The following EFCAB3 variants were observed in gnomAD, a reference collection of about 807,000 sequenced individuals.
The protein encoded by EFCAB3 is EF-hand calcium binding domain 3, also known as EF-hand calcium-binding domain-containing protein 3.
A neutral mutation model predicts 42.2 loss-of-function variants in EFCAB3; 36 were observed. The observed-to-expected ratio is 0.85, with a 90% CI of 0.65 to 1.13. EFCAB3 has a LOEUF of 1.13. Among genes scored for constraint, EFCAB3 ranks in the 50% most tolerant of loss-of-function variants. The probability of loss-of-function intolerance (pLI) is 0.00; values close to 1 mark genes in which losing one functional copy is unlikely to be tolerated. For missense variants in EFCAB3, 418 were observed against 505.1 expected (o/e 0.83, Z 1.65); for synonymous variants, 170 against 172.8 (o/e 0.98, Z 0.13).
At chr17:62,395,660 T>C (rs1179231522) in intron 6 of EFCAB3, among the ~76,000 whole-genome samples, 1 of 152,152 alleles carries the variant, frequency 6.6e-6, no homozygotes, top group African/African-American at 2.4e-5. Context: ...AGAGCCAGAA[T>C]TAGACTTGAG....
At chr17:62,378,898 ATG>A (rs2070172330), upstream of EFCAB3, among the ~76,000 whole-genome samples, 1 of 136,300 alleles carries the variant, frequency 7.3e-6, no homozygotes, top group Non-Finnish European at 1.7e-5. Flanking sequence ...CGTTCTGCAC[ATG>A]TGTCCCAGAA....
rs2070546229 is a variant in EFCAB3, at chr17:62,416,139, C to A, written c.1127C>A (p.Ser376Tyr). 6.2e-7 allele frequency: 1 copy of A among 1,613,842 alleles called. No individual in the cohort carries two copies. Among genetic ancestry groups the A allele is most frequent in the Admixed American group, 1.7e-5 (1 of 59,988 alleles). The change falls in exon 10 of 10, where the codon TCT (serine) becomes TAT (tyrosine). Residue 376 changes from serine (S) to tyrosine (Y), a missense_variant. Physicochemically the swap from Ser to Tyr is moderately radical, Grantham distance 144. Transcript: ENST00000305286. ...AATGAGTCCTTTTATGACACCTTTT[C>A]TACTTATACATGGTCCTGGAATGTT... ...SRNESFYDTF[S>Y]TYTWSWNVCQ...
intron 1 of EFCAB3, among the ~76,000 whole-genome samples, chr17:62,372,365 T>A (rs1440646212): frequency 1.3e-5 from 2 of 152,070 alleles, no homozygotes; most frequent in Non-Finnish European, 2.9e-5. Context: ...CCTTGCAACC[T>A]CCGTCTCCTG....
chr17:62,374,007 A>C (rs1598002163), intron 2 of EFCAB3: 3 of 483,006 alleles, frequency 6.2e-6, no homozygotes, highest in East Asian at 7.2e-5. Flanking sequence ...AGATGAAAAA[A>C]GGAAATTTTA....
At chr17:62,373,840 A>G in exon 2 of EFCAB3, 1 of 1,513,214 alleles carries the variant, frequency 6.6e-7, no homozygotes. Context: ...TGTTAATTCA[A>G]TAATGGAGGG....
chr17:62,409,256 C>G (rs2070474383), intron 8 of EFCAB3, among the ~76,000 whole-genome samples: 1 of 152,112 alleles, frequency 6.6e-6, no homozygotes, highest in Admixed American at 6.6e-5. Flanking sequence ...GGGGTTTCAC[C>G]ATGTTGGTCA....
chr17:62,372,304 T>G (rs2070119885), intron 1 of EFCAB3, among the ~76,000 whole-genome samples: 1 of 152,124 alleles, frequency 6.6e-6, no homozygotes, highest in African/African-American at 2.4e-5. Flanking sequence ...AGGGTCTGGC[T>G]CTGTCACCCA....
At chr17:62,411,800 TGGAG>T (rs373526576) in intron 8 of EFCAB3, among the ~76,000 whole-genome samples, 99 of 72,000 alleles carry the variant, frequency 1.4e-3, no homozygotes, top group African/African-American at 5.6e-3. Flanking sequence ...GAGAAAGAGA[TGGAG>T]GGAGGGAGGG....
At chr17:62,394,757 T>C (rs1381865272) in intron 5 of EFCAB3, among the ~76,000 whole-genome samples, 1 of 152,220 alleles carries the variant, frequency 6.6e-6, no homozygotes. Context: ...AGTACTATAG[T>C]AATGGGAGTT....
rs147273266 is a variant in EFCAB3 at position 62,407,170 on chromosome 17, C to G, written c.825C>G (p.Phe275Leu). Residue 275 changes from phenylalanine (F) to leucine (L), a missense_variant, in exon 8 of 10, where the codon TTC becomes TTG. Transcript: ENST00000305286. ...TAAGAATAAAGGAGCCTTTGCATTT[C>G]TTTGAGGATTATTTTTTCCATAAAA... The part of the protein sequence containing the change: ...EMLRIKEPLH[F>L]FEDYFFHKRD... 4 of 1,599,094 alleles carry G rather than the reference C, an allele frequency of 2.5e-6. No homozygotes were observed. The highest frequency in any genetic ancestry group is 3.4e-6 in the Non-Finnish European group (4 of 1,175,746).
intron 1 of EFCAB3, among the ~76,000 whole-genome samples, chr17:62,372,108 A>G (rs186270156): frequency 2.4e-4 from 37 of 152,344 alleles, no homozygotes; most frequent in African/African-American, 8.9e-4. Context: ...AACTGAAAGT[A>G]GGAGATGAGA....
chr17:62,400,447 C>T (rs1273130916), intron 6 of EFCAB3, among the ~76,000 whole-genome samples: 1 of 152,102 alleles, frequency 6.6e-6, no homozygotes, highest in Non-Finnish European at 1.5e-5. Context: ...TCTCATTGTT[C>T]AATTCCCACC....
At chr17:62,376,865 G>A (rs2070154596), upstream of EFCAB3, among the ~76,000 whole-genome samples, 1 of 152,086 alleles carries the variant, frequency 6.6e-6, no homozygotes, top group South Asian at 2.1e-4. Flanking sequence ...ACTTACTAGG[G>A]ACACAGAGAA....
intron 6 of EFCAB3, among the ~76,000 whole-genome samples, chr17:62,403,700 T>C (rs184184717): frequency 3.2e-4 from 49 of 152,286 alleles, no homozygotes; most frequent in Non-Finnish European, 5.7e-4. Flanking sequence ...AGTGCTGGAG[T>C]GCAGTGGTGC....
rs754554063 is a variant in EFCAB3 at position 62,416,146 on chromosome 17, T to C, written c.1134T>C (p.Tyr378=). ...CCTTTTATGACACCTTTTCTACTTA[T>C]ACATGGTCCTGGAATGTTTGCCAAG... ...NESFYDTFST[Y]TWSWNVCQEL... The change falls in exon 10 of 10, where the codon TAT becomes TAC. Residue 378 remains tyrosine, a synonymous_variant. Coordinates refer to ENST00000305286, the MANE Select transcript of EFCAB3 (RefSeq NM_173503.4). 13 of 1,613,874 alleles carry C rather than the reference T, an allele frequency of 8.1e-6. No individual in the cohort carries two copies. The highest frequency in any genetic ancestry group is 3.3e-5 in the Admixed American group (2 of 59,992).
intron 5 of EFCAB3, 90 bp downstream of exon 5, chr17:62,393,734 AGG>A (rs2070324718): frequency 1.4e-5 from 15 of 1,105,462 alleles, no homozygotes; most frequent in Non-Finnish European, 1.9e-5. Flanking sequence ...GTCGGGAGAC[AGG>A]TCAGGAAGGT....
At position 62,411,856 on chromosome 17, in the gene EFCAB3, AGAAGGAAGGAAG is replaced by A. The variant is rs1179394697; in HGVS notation, c.868-1838_868-1827del. Reference sequence around the variant, plus strand: ...AGGAGGGAAGAAAGGAAGGAAGGAAAGAAGGAAGGAAGGAAGGAAGGAAGGAAGGAAGGAAGG... The same window carrying A: ...AGGAGGGAAGAAAGGAAGGAAGGAAAGAAGGAAGGAAGGAAGGAAGGAAGG... On this transcript the variant is annotated intron_variant, in intron 8 of 9. Coordinates refer to ENST00000305286, the MANE Select transcript of EFCAB3 (RefSeq NM_173503.4). 8.6e-3 allele frequency among the ~76,000 whole-genome samples: 484 copies of A among 56,174 alleles called. 6 individuals carry two copies. Among genetic ancestry groups the A allele is most frequent in the African/African-American group, 0.027 (456 of 17,004 alleles). The allele number at this position is 56,174 out of a possible 152,430, so 36.9% of individuals were successfully genotyped here.
In EFCAB3 at chr17:62,416,020, T is replaced by A. The variant is rs780962838; in HGVS notation, c.1008T>A (p.Asp336Glu). The change falls in exon 10 of 10, where the codon GAT (aspartate) becomes GAA (glutamate). Residue 336 changes from aspartate to glutamate, a missense_variant. Asp to Glu is a conservative substitution (Grantham distance 45). Transcript: ENST00000305286. ...AIKQHVKRAT[D>E]TYNLGIALEH... ...CACTGCAGGTGAAGAGAGCTACTGA[T>A]ACCTATAATTTAGGAATTGCCCTTG... 6.2e-7 allele frequency: 1 copy of A among 1,612,818 alleles called. No homozygotes were observed. Among genetic ancestry groups the A allele is most frequent in the Non-Finnish European group, 8.5e-7 (1 of 1,179,360 alleles).
intron 2 of EFCAB3, among the ~76,000 whole-genome samples, chr17:62,384,633 C>T (rs1003211928): frequency 4.6e-5 from 7 of 152,142 alleles, no homozygotes; most frequent in African/African-American, 1.7e-4. Context: ...AATAAAAGAT[C>T]TTTACACTGC....
Sources: gnomAD v4.1 joint callset for allele counts (sites outside exome capture counted in the v4.1 genomes callset) on GRCh38, gnomAD v4.1.1 for gene constraint, MANE v1.5 for transcripts, NCBI Gene and HGNC (gene_info 2026-07-23, HGNC 2026-07-21) for gene names.